MYO10: variants seen among roughly 807,000 people sequenced by gnomAD.
MYO10 encodes unconventional myosin-X.
MYO10 carries 133 observed loss-of-function variants against 257.3 expected under a neutral mutation model. That is an observed-to-expected ratio of 0.52 (90% confidence interval 0.45 to 0.60). The LOEUF is 0.60. MYO10 is among the 20% of genes least tolerant of loss of function. The probability of loss-of-function intolerance (pLI) is 0.00; values close to 1 mark genes in which losing one functional copy is unlikely to be tolerated. For missense variants in MYO10, 2,399 were observed against 2,635.7 expected, an observed-to-expected ratio of 0.91 and a Z score of 1.97; for synonymous variants, 1,104 against 1,028.6, an observed-to-expected ratio of 1.07 and a Z score of -1.40.
chr5:16,902,202 G>T, intron 1 of MYO10: 1 of 639,122 alleles, frequency 1.6e-6, no homozygotes, highest in African/African-American at 1.8e-5. Context: ...CCCACCACCA[G>T]GCCCGGCTAA....
At chr5:16,881,006 C>T (rs1488569529) in intron 1 of MYO10, among the ~76,000 whole-genome samples, 1 of 152,148 alleles carries the variant, frequency 6.6e-6, no homozygotes, top group African/African-American at 2.4e-5. Flanking sequence ...CACGCCCATG[C>T]TCGCAGCAAT....
At position 16,663,325 on chromosome 5, in the gene MYO10, GTTGTTTTTTTTTTTTTTTTT is replaced by G. The variant is rs1561158377; in HGVS notation, c.*3347_*3366del. On this transcript the variant is annotated 3_prime_UTR_variant, in exon 41 of 41. Coordinates refer to ENST00000513610, the MANE Select transcript of MYO10 (RefSeq NM_012334.3). ...GGAAAAAAGTAACATTTTACTTCTA[GTTGTTTTTTTTTTTTTTTTT>G]TTTTTTTTTTTTTTTTTTTTTTACA... The G allele has an allele frequency of 2.4e-4, 10 of 41,324 alleles. 1 individual carries two copies. The highest frequency in any genetic ancestry group is 7.6e-4 in the South Asian group (1 of 1,308). The allele number at this position is 41,324 out of a possible 1,614,324, so 2.6% of individuals were successfully genotyped here. A position where few individuals can be genotyped will look rare whatever the true frequency, so the allele number is the denominator to read the frequency against.
Position 16,683,895 on chromosome 5 carries a change from G to A in MYO10, c.4031C>T (p.Ser1344Phe). The A allele has an allele frequency of 1.2e-6, 2 of 1,613,778 alleles. No homozygotes were observed. Among genetic ancestry groups the A allele is most frequent in the Non-Finnish European group, 1.7e-6 (2 of 1,179,846 alleles). The part of the protein sequence containing the change: ...DVGLIDSVCA[S>F]DSPDRPNSFV... ...CTGAGCTTACCTATCAGGGCTGTCA[G>A]AGGCACACACAGAATCAATCAGCCC... The change falls in exon 30 of 41, where the codon TCT becomes TTT. Residue 1344 changes from serine to phenylalanine, a missense_variant. Ser to Phe is a radical substitution (Grantham distance 155, BLOSUM62 -2). Coordinates refer to ENST00000513610, the MANE Select transcript of MYO10 (RefSeq NM_012334.3).
rs574937384 is a variant in MYO10, at chr5:16,900,723, G to A, written c.22-23016C>T. On this transcript the variant is annotated intron_variant, in intron 1 of 40. Coordinates refer to ENST00000513610, the MANE Select transcript of MYO10 (RefSeq NM_012334.3). Reference sequence around the variant, plus strand: ...AGCAACCAGCATGATCCTCCCAAAAGTACACACCTCCCTAAATCTTGTTTT... The same window carrying A: ...AGCAACCAGCATGATCCTCCCAAAAATACACACCTCCCTAAATCTTGTTTT... 6.2e-4 allele frequency among the ~76,000 whole-genome samples: 88 copies of A among 142,440 alleles called. 1 individual carries two copies. Among genetic ancestry groups the A allele is most frequent in the African/African-American group, 2.1e-3 (81 of 38,148 alleles). The allele number at this position is 142,440 out of a possible 152,430, so 93.4% of individuals were successfully genotyped here.
chr5:16,783,328 T>C lies in MYO10; in HGVS notation c.602+7A>G, dbSNP rs1560982361. The stretch of plus-strand genomic sequence containing the variant: ...TATTAGTTGGAAACAAGAAAATCAA[T>C]AAATACCTGCTTTCAAGAATAGCTC... On this transcript the variant is annotated splice_region_variant and intron_variant, in intron 5 of 40. Coordinates refer to ENST00000513610, the MANE Select transcript of MYO10 (RefSeq NM_012334.3). 6 of 1,556,906 alleles carry C rather than the reference T, an allele frequency of 3.9e-6. No homozygotes were observed. The highest frequency in any genetic ancestry group is 2.1e-5 in the Admixed American group (1 of 47,248).
intron 4 of MYO10, among the ~76,000 whole-genome samples, chr5:16,791,929 C>T (rs1046483163): frequency 5.3e-5 from 8 of 151,998 alleles, no homozygotes; most frequent in South Asian, 2.1e-4. Flanking sequence ...ATTAAGCAGC[C>T]GCTTCATTTC....
chr5:16,710,848 G>A (rs1285065590), intron 21 of MYO10, 60 bp downstream of exon 21: 4 of 1,422,894 alleles, frequency 2.8e-6, no homozygotes, highest in Middle Eastern at 2.0e-4. Flanking sequence ...TAAACCCTGT[G>A]AGCATCACCC....
chr5:16,822,877 C>T (rs952713288), intron 2 of MYO10, among the ~76,000 whole-genome samples: 3 of 151,430 alleles, frequency 2.0e-5, no homozygotes, highest in South Asian at 2.1e-4. Context: ...TTAGTAGAGA[C>T]GGGGTTTCAC....
At chr5:16,730,803 T>C (rs536828305) in intron 19 of MYO10, among the ~76,000 whole-genome samples, 2 of 152,186 alleles carry the variant, frequency 1.3e-5, no homozygotes, top group South Asian at 2.1e-4. Context: ...ATTCAAAATA[T>C]AGAGAGGATC....
At chr5:16,681,055 C>T (rs985280805) in intron 32 of MYO10, among the ~76,000 whole-genome samples, 5 of 152,148 alleles carry the variant, frequency 3.3e-5, no homozygotes, top group Admixed American at 6.6e-5. Context: ...GCTTCCCGTA[C>T]GATGCCCTGC....
chr5:16,847,423 CAAAAAAAA>C (rs34084990), intron 2 of MYO10, among the ~76,000 whole-genome samples: 3 of 134,306 alleles, frequency 2.2e-5, no homozygotes, highest in Non-Finnish European at 4.9e-5. Flanking sequence ...GACTCCACCT[CAAAAAAAA>C]AAAAAAAATT....
intron 1 of MYO10, among the ~76,000 whole-genome samples, chr5:16,931,656 C>T (rs902701590): frequency 3.3e-5 from 5 of 152,022 alleles, no homozygotes; most frequent in African/African-American, 1.2e-4. Context: ...GAGTACTTGA[C>T]AATAGAAATG....
chr5:16,769,807 G>C (rs1039197589), intron 9 of MYO10, among the ~76,000 whole-genome samples: 5 of 152,194 alleles, frequency 3.3e-5, no homozygotes, highest in African/African-American at 1.2e-4. Context: ...GGGAGTCACA[G>C]TCATGACAAC....
In MYO10 at chr5:16,704,704, CAT is replaced by C; in HGVS notation, c.2170-21_2170-20del. 2 of 1,599,830 alleles carry C rather than the reference CAT, an allele frequency of 1.3e-6. No individual in the cohort carries two copies. The highest frequency in any genetic ancestry group is 1.7e-6 in the Non-Finnish European group (2 of 1,167,664). Reference sequence around the variant, plus strand: ...GAAAGACCTGCTCAGGACGGAGTCACATGTCAGAAGCAAAGAACATGGCCAGC... The same window carrying C: ...GAAAGACCTGCTCAGGACGGAGTCACGTCAGAAGCAAAGAACATGGCCAGC... On this transcript the variant is annotated intron_variant, in intron 21 of 40. Coordinates refer to ENST00000513610, the MANE Select transcript of MYO10 (RefSeq NM_012334.3).
intron 2 of MYO10, among the ~76,000 whole-genome samples, chr5:16,850,987 G>C (rs771186010): frequency 6.6e-6 from 1 of 151,958 alleles, no homozygotes; most frequent in African/African-American, 2.4e-5. Context: ...TTTTTTAGTA[G>C]AGACAGGGTT....
At chr5:16,929,974 A>G (rs146416670) in intron 1 of MYO10, among the ~76,000 whole-genome samples, 1 of 152,208 alleles carries the variant, frequency 6.6e-6, no homozygotes, top group Non-Finnish European at 1.5e-5. Context: ...GCCATAAAAT[A>G]ATCTGAAAAT....
chr5:16,925,743 A>G (rs1376623284), intron 1 of MYO10, among the ~76,000 whole-genome samples: 1 of 152,212 alleles, frequency 6.6e-6, no homozygotes, highest in African/African-American at 2.4e-5. Flanking sequence ...ACAGCATTGA[A>G]AAGTTATAAA....
intron 21 of MYO10, among the ~76,000 whole-genome samples, chr5:16,706,260 CAT>C (rs1738334293): frequency 2.7e-5 from 4 of 149,738 alleles, no homozygotes; most frequent in Middle Eastern, 3.4e-3. Context: ...CACATATACT[CAT>C]ATATACACAT....
intron 3 of MYO10, among the ~76,000 whole-genome samples, chr5:16,805,694 T>G (rs1036941395): frequency 3.3e-5 from 5 of 152,166 alleles, no homozygotes; most frequent in African/African-American, 9.7e-5. Context: ...CAAGAATAAA[T>G]AAGCTGGTCG....
Sources: gnomAD v4.1 joint callset for allele counts (sites outside exome capture counted in the v4.1 genomes callset) on GRCh38, gnomAD v4.1.1 for gene constraint, MANE v1.5 for transcripts, NCBI Gene and HGNC (gene_info 2026-07-23, HGNC 2026-07-21) for gene names.